The following ITGB5 variants were observed in gnomAD, a reference collection of about 807,000 sequenced individuals.
ITGB5 encodes the protein integrin beta-5.
Under a neutral mutation model 84.8 loss-of-function variants are expected in ITGB5, and 38 were observed. The observed-to-expected ratio is 0.45, with a 90% CI of 0.35 to 0.59. The LOEUF (loss-of-function observed/expected upper bound fraction) is 0.59, where lower values mean the gene tolerates loss of function less well. ITGB5 is among the 20% of genes least tolerant of loss of function. The pLI, the probability that ITGB5 is intolerant of heterozygous loss-of-function variation, is 0.01. For missense variants in ITGB5, 905 were observed against 1,034.5 expected (o/e 0.87, Z 1.72); for synonymous variants, 393 against 414.4 (o/e 0.95, Z 0.63).
At chr3:124,896,757 A>AAG (rs57218304) in intron 1 of ITGB5, among the ~76,000 whole-genome samples, 3,356 of 148,874 alleles carry the variant, frequency 0.023, 127 homozygotes, top group African/African-American at 0.079. Flanking sequence ...AAAAAAAAAA[A>AAG]AAAAAAGGGA....
rs1203408000 is a variant in ITGB5 at position 124,887,277 on chromosome 3, T to TAGGGG, written c.-282_-278dup. On this transcript the variant is annotated 5_prime_UTR_variant, in exon 1 of 15. Transcript: ENST00000296181. ...GACGGCCCCAGCGGGCTGCTCCGGG[T>TAGGGG]AGGGGAGGGGCTGGCTCCGCTCGGC... 1.3e-5 allele frequency: 2 copies of TAGGGG among 152,240 alleles called. No individual in the cohort carries two copies. 9.4% of individuals were successfully genotyped at this position (152,240 alleles called of 1,614,324 possible).
chr3:124,894,904 C>T (rs1023456303), intron 1 of ITGB5, among the ~76,000 whole-genome samples: 5 of 152,006 alleles, frequency 3.3e-5, no homozygotes, highest in Non-Finnish European at 7.4e-5. Flanking sequence ...CTAATACGAA[C>T]GATAGCTGAT....
intron 8 of ITGB5, among the ~76,000 whole-genome samples, chr3:124,810,387 G>A (rs939707690): frequency 3.3e-5 from 5 of 152,170 alleles, no homozygotes; most frequent in African/African-American, 1.2e-4. Context: ...TTTGGCCTTG[G>A]TGCTGGATAC....
At position 124,886,974 on chromosome 3, in the gene ITGB5, G is replaced by A. The variant is rs1178011784; in HGVS notation, c.27C>T (p.Tyr9=). 2 of 1,202,024 alleles carry A rather than the reference G, an allele frequency of 1.7e-6. No homozygotes were observed. The highest frequency in any genetic ancestry group is 4.1e-5 in the South Asian group (1 of 24,118). 74.5% of individuals were successfully genotyped at this position (1,202,024 alleles called of 1,614,324 possible). A position where few individuals can be genotyped will look rare whatever the true frequency, so the allele number is the denominator to read the frequency against. MPRAPAPL[Y]ACLLGLCALL... ...GCGCGCAGAGCCCCAGGAGGCAGGCGTACAGCGGCGCCGGGGCCCGCGGCA... is the reference window on the plus strand; with the variant it reads ...GCGCGCAGAGCCCCAGGAGGCAGGCATACAGCGGCGCCGGGGCCCGCGGCA... The change falls in exon 1 of 15, where the codon TAC becomes TAT. Residue 9 remains tyrosine, a synonymous_variant. Coordinates refer to ENST00000296181, the MANE Select transcript of ITGB5 (RefSeq NM_002213.5).
chr3:124,792,752 G>T (rs911684536), intron 10 of ITGB5: 1 of 152,100 alleles, frequency 6.6e-6, no homozygotes, highest in African/African-American at 2.4e-5. Context: ...TCCCGATCCC[G>T]CAGGATTGTA....
At chr3:124,810,095 G>C (rs1235751531) in intron 8 of ITGB5, among the ~76,000 whole-genome samples, 1 of 152,150 alleles carries the variant, frequency 6.6e-6, no homozygotes, top group Non-Finnish European at 1.5e-5. Context: ...AAATTCCTCA[G>C]GTGCCTAGCA....
rs754937654 is a variant in ITGB5 at position 124,821,496 on chromosome 3, G to C, written c.781-22C>G. 4.3e-6 allele frequency: 7 copies of C among 1,612,748 alleles called. No homozygotes were observed. In the African/African-American group the frequency reaches 8.0e-5, roughly 18 times the overall value. On this transcript the variant is annotated intron_variant, in intron 5 of 14. Coordinates refer to ENST00000296181, the MANE Select transcript of ITGB5 (RefSeq NM_002213.5). ...TCTCCTGAAGGACAGAAGGTGGATG[G>C]GTACACCAGTCTTTCTGCCCAGTCC... is the stretch of plus-strand genomic sequence containing the variant.
intron 3 of ITGB5, 112 bp downstream of exon 3, chr3:124,859,130 G>A (rs1341293085): frequency 2.1e-5 from 21 of 989,784 alleles, no homozygotes; most frequent in South Asian, 6.3e-5. Context: ...TCACCATCTC[G>A]TGGCTCTGAT....
chr3:124,842,576 G>A (rs1217242926), intron 4 of ITGB5, among the ~76,000 whole-genome samples: 2 of 152,358 alleles, frequency 1.3e-5, no homozygotes, highest in East Asian at 3.9e-4. Context: ...AGAGTAACGG[G>A]TGAGGATGGG....
chr3:124,831,006 CAAA>C (rs1243030632), intron 5 of ITGB5, among the ~76,000 whole-genome samples: 1 of 151,208 alleles, frequency 6.6e-6, no homozygotes, highest in Non-Finnish European at 1.5e-5. Flanking sequence ...ACAACAACAA[CAAA>C]AAAACAAGAA....
At position 124,763,179 on chromosome 3, in the gene ITGB5, G is replaced by A. The variant is rs1229164868; in HGVS notation, c.*444C>T. Reference sequence around the variant, plus strand: ...ACTCAGAACTACACCATAAATGCAGGATCTTTTTATTTCATATAAAAATGA... The same window carrying A: ...ACTCAGAACTACACCATAAATGCAGAATCTTTTTATTTCATATAAAAATGA... On this transcript the variant is annotated 3_prime_UTR_variant, in exon 15 of 15. Transcript: ENST00000296181. 1 of 161,582 alleles carries A rather than the reference G, an allele frequency of 6.2e-6. No individual in the cohort carries two copies. The highest frequency in any genetic ancestry group is 2.4e-5 in the African/African-American group (1 of 41,676). 10.0% of individuals were successfully genotyped at this position (161,582 alleles called of 1,614,324 possible). A position where few individuals can be genotyped will look rare whatever the true frequency, so the allele number is the denominator to read the frequency against.
intron 10 of ITGB5, among the ~76,000 whole-genome samples, chr3:124,775,320 GTGTA>G (rs529354286): frequency 2.3e-4 from 35 of 152,258 alleles, no homozygotes; most frequent in Admixed American, 3.9e-4. Flanking sequence ...ACAAGTGTGA[GTGTA>G]TGTGTGTTGG....
chr3:124,822,901 A>C (rs79238561), intron 5 of ITGB5, among the ~76,000 whole-genome samples: 3,465 of 152,286 alleles, frequency 0.023, 112 homozygotes, highest in African/African-American at 0.078. Flanking sequence ...GGAGAGGAGG[A>C]GGAGGGAGAG....
intron 4 of ITGB5, among the ~76,000 whole-genome samples, chr3:124,846,562 G>C (rs1474587934): frequency 2.0e-5 from 3 of 152,160 alleles, no homozygotes; most frequent in African/African-American, 7.2e-5. Context: ...GTGGTTTAGG[G>C]ACAGGTATTA....
chr3:124,854,167 T>A (rs1036638074), intron 3 of ITGB5, among the ~76,000 whole-genome samples: 1 of 152,182 alleles, frequency 6.6e-6, no homozygotes, highest in Non-Finnish European at 1.5e-5. Context: ...TTGGCAGTCC[T>A]TCAAAAAGTT....
intron 1 of ITGB5, among the ~76,000 whole-genome samples, chr3:124,879,913 T>C (rs1934493783): frequency 6.6e-6 from 1 of 152,236 alleles, no homozygotes; most frequent in African/African-American, 2.4e-5. Flanking sequence ...TATCCCACAC[T>C]GATGGGCAAC....
chr3:124,802,890 G>T (rs915726289), intron 9 of ITGB5, among the ~76,000 whole-genome samples: 1 of 151,846 alleles, frequency 6.6e-6, no homozygotes, highest in African/African-American at 2.4e-5. Flanking sequence ...GGGGCCATGT[G>T]ACCATGGCCC....
At chr3:124,783,290 CAAAAAA>C (rs758967509) in intron 10 of ITGB5, among the ~76,000 whole-genome samples, 123 of 56,996 alleles carry the variant, frequency 2.2e-3, no homozygotes, top group African/African-American at 7.6e-3. Context: ...GACTCCGTCT[CAAAAAA>C]AAAAAAAAAA....
intron 5 of ITGB5, among the ~76,000 whole-genome samples, chr3:124,829,624 G>A (rs1579262659): frequency 2.6e-5 from 4 of 152,036 alleles, no homozygotes; most frequent in South Asian, 2.1e-4. Flanking sequence ...TCTCCTCTCC[G>A]TCTGAAACAA....
Sources: gnomAD v4.1 joint callset for allele counts (sites outside exome capture counted in the v4.1 genomes callset) on GRCh38, gnomAD v4.1.1 for gene constraint, MANE v1.5 for transcripts, NCBI Gene and HGNC (gene_info 2026-07-23, HGNC 2026-07-21) for gene names.